The following GALNT13 variants were observed in gnomAD, a reference collection of about 807,000 sequenced individuals.
The protein encoded by GALNT13 is polypeptide N-acetylgalactosaminyltransferase 13, also known as UDP-GalNAc:polypeptide N-acetylgalactosaminyltransferase 13.
A neutral mutation model predicts 64.2 loss-of-function variants in GALNT13; 28 were observed. That is an observed-to-expected ratio of 0.44 (90% confidence interval 0.32 to 0.60). The LOEUF (loss-of-function observed/expected upper bound fraction) is 0.60, where lower values mean the gene tolerates loss of function less well. Ranked by LOEUF, GALNT13 falls within the 20% of genes least tolerant of loss-of-function variation. The probability of loss-of-function intolerance (pLI) is 0.05; values close to 1 mark genes in which losing one functional copy is unlikely to be tolerated. For synonymous variants in GALNT13, 214 were observed against 224.6 expected (o/e 0.95, Z 0.42); for missense variants, 577 against 669.8 (o/e 0.86, Z 1.53).
chr2:153,917,052 C>T (rs1001493927), intron 2 of GALNT13, among the ~76,000 whole-genome samples: 1 of 152,108 alleles, frequency 6.6e-6, no homozygotes, highest in Non-Finnish European at 1.5e-5. Flanking sequence ...TCAGTTTATT[C>T]AGCTGACAAG....
intron 3 of GALNT13, among the ~76,000 whole-genome samples, chr2:154,060,154 A>G (rs1700099694): frequency 6.6e-6 from 1 of 152,136 alleles, no homozygotes; most frequent in Non-Finnish European, 1.5e-5. Context: ...GGCTGCCACT[A>G]GGAATTGAAT....
At chr2:153,160,278 T>C in the GALNT13 span, among the ~76,000 whole-genome samples, 1 of 152,210 alleles carries the variant, frequency 6.6e-6, no homozygotes. Context: ...TTGTTGGATG[T>C]AAGGATACAG....
intron 3 of GALNT13, among the ~76,000 whole-genome samples, chr2:154,111,543 C>G (rs1381109461): frequency 6.6e-6 from 1 of 152,090 alleles, no homozygotes; most frequent in Non-Finnish European, 1.5e-5. Flanking sequence ...ATTGTGCTTC[C>G]TGGTGGCAGC....
At chr2:154,273,520 A>G (rs928572107) in intron 8 of GALNT13, among the ~76,000 whole-genome samples, 1 of 152,192 alleles carries the variant, frequency 6.6e-6, no homozygotes, top group Non-Finnish European at 1.5e-5. Context: ...TTTGCCACAT[A>G]CAATCACACA....
intron 3 of GALNT13, among the ~76,000 whole-genome samples, chr2:153,972,886 G>A (rs1693835823): frequency 6.6e-6 from 1 of 151,958 alleles, no homozygotes; most frequent in South Asian, 2.1e-4. Context: ...ACACTTTAGA[G>A]TTAGTAATCC....
chr2:153,942,903 A>G (rs1173435274), intron 2 of GALNT13, among the ~76,000 whole-genome samples: 1 of 152,150 alleles, frequency 6.6e-6, no homozygotes, highest in Non-Finnish European at 1.5e-5. Context: ...TGCTCATCAA[A>G]TTATACTTTG....
At chr2:154,275,617 G>A (rs960887805) in intron 8 of GALNT13, among the ~76,000 whole-genome samples, 9 of 152,158 alleles carry the variant, frequency 5.9e-5, no homozygotes, top group Admixed American at 4.6e-4. Context: ...GTATGCTGCA[G>A]GAGTGGAGCC....
At chr2:153,886,169 T>C (rs964483294) in intron 1 of GALNT13, among the ~76,000 whole-genome samples, 2 of 146,766 alleles carry the variant, frequency 1.4e-5, no homozygotes, top group African/African-American at 5.1e-5. Context: ...GGATAGGGGA[T>C]TCTGAACTGA....
At chr2:154,380,933 G>A (rs1312305092) in intron 9 of GALNT13, among the ~76,000 whole-genome samples, 2 of 151,954 alleles carry the variant, frequency 1.3e-5, no homozygotes, top group African/African-American at 4.8e-5. Flanking sequence ...ATTTTCTTAT[G>A]TGGCCCTCTC....
At chr2:153,156,535 G>A in the GALNT13 span, among the ~76,000 whole-genome samples, 4 of 152,036 alleles carry the variant, frequency 2.6e-5, no homozygotes, top group Admixed American at 6.6e-5. Context: ...GTGCTTGATC[G>A]TTTTCACTAT....
At chr2:153,717,536 G>A in the GALNT13 span, among the ~76,000 whole-genome samples, 1 of 152,116 alleles carries the variant, frequency 6.6e-6, no homozygotes, top group Non-Finnish European at 1.5e-5. Flanking sequence ...TTATGTAGAG[G>A]ATGAACACAA....
the GALNT13 span, among the ~76,000 whole-genome samples, chr2:153,561,504 G>A: frequency 6.6e-6 from 1 of 152,046 alleles, no homozygotes; most frequent in African/African-American, 2.4e-5. Context: ...TGTTTTTGAT[G>A]TGTTTTGACT....
At chr2:153,290,187 T>A in the GALNT13 span, among the ~76,000 whole-genome samples, 11 of 152,176 alleles carry the variant, frequency 7.2e-5, no homozygotes, top group Non-Finnish European at 1.5e-4. Flanking sequence ...TTCAAAATTG[T>A]TAGCTATTTA....
rs113732768 is a variant in GALNT13, at chr2:154,353,733, G to A, written c.1157-42258G>A. 4.0e-3 allele frequency among the ~76,000 whole-genome samples: 615 copies of A among 152,164 alleles called. 9 individuals carry two copies. The highest frequency in any genetic ancestry group is 0.014 in the African/African-American group (588 of 41,512). On this transcript the variant is annotated intron_variant, in intron 9 of 12. Coordinates refer to ENST00000392825, the MANE Select transcript of GALNT13 (RefSeq NM_052917.4). ...CCTCTGGGTCCATCCATGTTGTGGC[G>A]GATGGCAAGATATCCTTTATTCTTG...
At chr2:154,274,076 C>T (rs906500665) in intron 8 of GALNT13, among the ~76,000 whole-genome samples, 2 of 151,820 alleles carry the variant, frequency 1.3e-5, no homozygotes, top group African/African-American at 2.4e-5. Flanking sequence ...ATAAATCAAC[C>T]CTCATTTTAC....
the GALNT13 span, among the ~76,000 whole-genome samples, chr2:153,593,804 G>A: frequency 1.3e-5 from 2 of 152,088 alleles, no homozygotes; most frequent in African/African-American, 4.8e-5. Flanking sequence ...CACTGGACTT[G>A]ATAAACCACT....
At chr2:153,514,359 A>G in the GALNT13 span, among the ~76,000 whole-genome samples, 1 of 152,210 alleles carries the variant, frequency 6.6e-6, no homozygotes, top group South Asian at 2.1e-4. Context: ...CATTTTGCTC[A>G]TATTTTTCCC....
In GALNT13 at chr2:153,988,387, T is replaced by A. The variant is rs183255422; in HGVS notation, c.142+43748T>A. ...TACTTTCTACTTCCATGAGTTCACC[T>A]TTTTTGGATTCTCCATGTAAGTGAA... is the stretch of plus-strand genomic sequence containing the variant. On this transcript the variant is annotated intron_variant, in intron 3 of 12. Transcript: ENST00000392825. Among the ~76,000 whole-genome samples, 3 of 152,090 alleles carry A rather than the reference T, an allele frequency of 2.0e-5. No individual in the cohort carries two copies. The East Asian group carries it at 5.8e-4, about 29-fold the overall frequency.
intron 2 of GALNT13, among the ~76,000 whole-genome samples, chr2:153,917,323 C>A (rs1381740325): frequency 6.6e-6 from 1 of 152,088 alleles, no homozygotes; most frequent in African/African-American, 2.4e-5. Context: ...TATATGCCTG[C>A]ATTACTGCTA....
Sources: gnomAD v4.1 joint callset for allele counts (sites outside exome capture counted in the v4.1 genomes callset) on GRCh38, gnomAD v4.1.1 for gene constraint, MANE v1.5 for transcripts, NCBI Gene and HGNC (gene_info 2026-07-23, HGNC 2026-07-21) for gene names.